Variants in SCRN2 observed in about 807,000 individuals in gnomAD.
SCRN2 encodes the protein secernin 2.
SCRN2 carries 30 observed loss-of-function variants against 40.1 expected under a neutral mutation model. The ratio of observed to expected loss-of-function variants is 0.75; its 90% CI spans 0.56 to 1.01. The LOEUF is 1.01. Among genes scored for constraint, SCRN2 ranks in the 50% least tolerant of loss-of-function variants. SCRN2 has a pLI of 0.00. For missense variants in SCRN2, 526 were observed against 564.9 expected (o/e 0.93, Z 0.70); for synonymous variants, 240 against 233.5 (o/e 1.03, Z -0.25).
chr17:47,839,580 C>T lies in SCRN2; in HGVS notation c.420G>A (p.Glu140=). 1.2e-6 allele frequency: 2 copies of T among 1,614,110 alleles called. No individual in the cohort carries two copies. The highest frequency in any genetic ancestry group is 2.2e-5 in the East Asian group (1 of 44,886). ...GGCAGTTGCCCCCCTGCCCATAGTGCTCCAGTAACCCTGTGATCACATGCA... is the reference window on the plus strand; with the variant it reads ...GGCAGTTGCCCCCCTGCCCATAGTGTTCCAGTAACCCTGTGATCACATGCA... ...EALHVITGLL[E]HYGQGGNCLE... The change falls in exon 4 of 8, where the codon GAG becomes GAA. Residue 140 remains glutamate (E), a synonymous_variant. Transcript: ENST00000290216.
intron 7 of SCRN2, 109 bp downstream of exon 7, chr17:47,838,161 A>G (rs1295001612): frequency 3.3e-6 from 5 of 1,528,590 alleles, no homozygotes; most frequent in Non-Finnish European, 4.4e-6. Context: ...TCCTCTCCCC[A>G]GCTCTGAAAT....
Position 47,839,602 on chromosome 17 carries a change from T to A in SCRN2, c.398A>T (p.His133Leu). 5 of 1,614,064 alleles carry A rather than the reference T, an allele frequency of 3.1e-6. No homozygotes were observed. The highest frequency in any genetic ancestry group is 4.2e-6 in the Non-Finnish European group (5 of 1,180,036). Reference sequence around the variant, plus strand: ...GTGCTCCAGTAACCCTGTGATCACATGCAAGGCCTCCTGGGCAGAGCTGCT... The same window carrying A: ...GTGCTCCAGTAACCCTGTGATCACAAGCAAGGCCTCCTGGGCAGAGCTGCT... Reference protein sequence around the residue: ...ERSSSAQEALHVITGLLEHYG... With the variant: ...ERSSSAQEALLVITGLLEHYG... Residue 133 changes from histidine (H) to leucine (L), a missense_variant, in exon 4 of 8, where the codon CAT (histidine) becomes CTT (leucine). Coordinates refer to ENST00000290216, the MANE Select transcript of SCRN2 (RefSeq NM_138355.4).
intron 2 of SCRN2, 104 bp from the exon 3 acceptor site, chr17:47,840,476 A>G (rs898697032): frequency 2.9e-6 from 4 of 1,374,134 alleles, no homozygotes; most frequent in African/African-American, 1.4e-5. Flanking sequence ...GGAAGGTCTC[A>G]TTCCCATTTT....
rs1320986751 is a variant in SCRN2, at chr17:47,840,828, G to A, written c.16C>T (p.Pro6Ser). 17 of 1,536,778 alleles carry A rather than the reference G, an allele frequency of 1.1e-5. No individual in the cohort carries two copies. The South Asian group carries it at 2.1e-4, about 19-fold the overall frequency. The stretch of plus-strand genomic sequence containing the variant: ...CAGTCGCAGGAACATGGGGAGTCAG[G>A]GCTCGACGACGCCATCTGGGGAGAG... MASSSPDSPCSCDCFV... is the reference protein window; with the variant it reads MASSSSDSPCSCDCFV... Residue 6 changes from proline (P) to serine (S), a missense_variant, in exon 2 of 8, where the codon CCT (proline) becomes TCT (serine). Transcript: ENST00000290216.
chr17:47,840,958 TC>T, intron 1 of SCRN2, 115 bp from the exon 2 acceptor site: 2 of 1,007,870 alleles, frequency 2.0e-6, no homozygotes. Context: ...TCCTGGACGC[TC>T]GGCGCACACA....
At position 47,838,515 on chromosome 17, in the gene SCRN2, C is replaced by T. The variant is rs1389340750; in HGVS notation, c.938+16G>A. 1 of 1,614,004 alleles carries T rather than the reference C, an allele frequency of 6.2e-7. No homozygotes were observed. Among genetic ancestry groups the T allele is most frequent in the Non-Finnish European group, 8.5e-7 (1 of 1,179,994 alleles). ...CCTCTCTTCTCCCCAGCCTTCCCCA[C>T]CCTCATTCTTCCCACCTGGATGGGT... is the stretch of plus-strand genomic sequence containing the variant. On this transcript the variant is annotated intron_variant, in intron 6 of 7. Transcript: ENST00000290216.
chr17:47,841,021 G>T, intron 1 of SCRN2, 178 bp from the exon 2 acceptor site: 1 of 504,374 alleles, frequency 2.0e-6, no homozygotes, highest in Non-Finnish European at 3.2e-6. Flanking sequence ...CCAGGCTCCA[G>T]GCTTGGGAGT....
At chr17:47,838,217 A>C (rs762220845) in intron 7 of SCRN2, 53 bp downstream of exon 7, 2 of 1,569,524 alleles carry the variant, frequency 1.3e-6, no homozygotes, top group Non-Finnish European at 1.7e-6. Flanking sequence ...TCCCACTGGG[A>C]GTGGGGGAGG....
chr17:47,838,831 G>T lies in SCRN2; in HGVS notation c.732C>A (p.Ala244=). 1.9e-6 allele frequency: 3 copies of T among 1,613,532 alleles called. No individual in the cohort carries two copies. Among genetic ancestry groups the T allele is most frequent in the Non-Finnish European group, 8.5e-7 (1 of 1,180,028 alleles). The change falls in exon 5 of 8, where the codon GCC becomes GCA. Residue 244 remains alanine (A), a synonymous_variant. Transcript: ENST00000290216. ...QQPVRMEAAK[A]RFQAGRELLR... The stretch of plus-strand genomic sequence containing the variant: ...GCAGCTCCCGCCCTGCCTGGAAGCG[G>T]GCCTTGGCAGCCTCCATGCGCACAG...
At chr17:47,838,495 C>T (rs1242329039) in intron 6 of SCRN2, 36 bp downstream of exon 6, 2 of 1,613,960 alleles carry the variant, frequency 1.2e-6, no homozygotes, top group Non-Finnish European at 1.7e-6. Flanking sequence ...CAGATCCTCT[C>T]TTCTCCCCAG....
chr17:47,839,461 G>T lies in SCRN2; in HGVS notation c.539C>A (p.Ala180Asp). The T allele has an allele frequency of 6.2e-7, 1 of 1,612,898 alleles. No homozygotes were observed. The highest frequency in any genetic ancestry group is 1.1e-5 in the South Asian group (1 of 91,034). Residue 180 changes from alanine (A) to aspartate (D), a missense_variant, in exon 4 of 8, where the codon GCT becomes GAT. Physicochemically the swap from Ala to Asp is moderately radical, Grantham distance 126. Transcript: ENST00000290216. The part of the protein sequence containing the change: ...WVLETAGRLW[A>D]AQRIQEGARN... ...CACCTCACCCTGGATCCTCTGTGCA[G>T]CCCAGAGCCTCCCAGCTGTCTCCAG...
chr17:47,839,312 G>C, intron 4 of SCRN2, 132 bp downstream of exon 4: 1 of 931,664 alleles, frequency 1.1e-6, no homozygotes, highest in East Asian at 2.6e-5. Context: ...CAAGTGAAGG[G>C]GAGGAGAATT....
intron 3 of SCRN2, chr17:47,839,877 G>A: frequency 1.7e-6 from 1 of 603,476 alleles, no homozygotes; most frequent in Non-Finnish European, 2.9e-6. Flanking sequence ...CAGTTTCAGA[G>A]AGAGAAGTGT....
At chr17:47,838,482 T>C (rs376667401) in intron 6 of SCRN2, 32 bp from the exon 7 acceptor site, 32 of 1,613,604 alleles carry the variant, frequency 2.0e-5, no homozygotes, top group African/African-American at 5.3e-5. Flanking sequence ...CACGGAGATA[T>C]ATCAGATCCT....
chr17:47,838,154 T>C, intron 7 of SCRN2, 116 bp downstream of exon 7: 1 of 1,521,944 alleles, frequency 6.6e-7, no homozygotes, highest in Non-Finnish European at 8.8e-7. Context: ...GAGGAACTCC[T>C]CTCCCCAGCT....
At position 47,838,431 on chromosome 17, in the gene SCRN2, T is replaced by C. The variant is rs1369815612; in HGVS notation, c.958A>G (p.Ile320Val). The change falls in exon 7 of 8, where the codon ATC becomes GTC. Residue 320 changes from isoleucine to valine, a missense_variant. By Grantham distance (29) the Ile-to-Val change is conservative. Transcript: ENST00000290216. ...DPSRSVFKPF[I>V]FGMGVAQAPQ... ...GCCTGGGCCACCCCCATCCCGAAGA[T>C]GAAAGGTTTGAACACAGACCTAGAG... The C allele has an allele frequency of 1.2e-6, 2 of 1,612,086 alleles. No individual in the cohort carries two copies. The highest frequency in any genetic ancestry group is 2.2e-5 in the East Asian group (1 of 44,846).
chr17:47,838,539 G>A lies in SCRN2; in HGVS notation c.930C>T (p.Asp310=). The change falls in exon 6 of 8, where the codon GAC becomes GAT. Residue 310 remains aspartate, a synonymous_variant. Transcript: ENST00000290216. The stretch of plus-strand genomic sequence containing the variant: ...ACCCTCATTCTTCCCACCTGGATGG[G>A]TCTGGCGTGGCGGTAAGAAAGTGCA... The part of the protein sequence containing the change: ...PCVHFLTATP[D]PSRSVFKPFI... The A allele has an allele frequency of 6.2e-7, 1 of 1,614,064 alleles. No individual in the cohort carries two copies. The highest frequency in any genetic ancestry group is 8.5e-7 in the Non-Finnish European group (1 of 1,180,016).
intron 4 of SCRN2, 35 bp downstream of exon 4, chr17:47,839,409 C>T (rs2033774264): frequency 1.2e-6 from 2 of 1,605,452 alleles, no homozygotes; most frequent in Non-Finnish European, 1.7e-6. Context: ...CCATCTCTCC[C>T]ACTTCCCAAA....
At chr17:47,840,106 G>C (rs1277321857) in intron 3 of SCRN2, 85 bp downstream of exon 3, 3 of 1,399,564 alleles carry the variant, frequency 2.1e-6, no homozygotes, top group Admixed American at 1.9e-5. Flanking sequence ...GAACCAGGCT[G>C]GGGGAGGGAT....
Sources: gnomAD v4.1 joint callset for allele counts on GRCh38, gnomAD v4.1.1 for gene constraint, MANE v1.5 for transcripts, NCBI Gene and HGNC (gene_info 2026-07-23, HGNC 2026-07-21) for gene names.